RANBP17: variants seen among roughly 807,000 people sequenced by gnomAD.
RANBP17 encodes the protein ran-binding protein 17.
Under a neutral mutation model 141.2 loss-of-function variants are expected in RANBP17, and 158 were observed. The ratio of observed to expected loss-of-function variants is 1.12; its 90% CI spans 0.98 to 1.28. RANBP17 has a LOEUF of 1.28. Ranked by LOEUF, RANBP17 falls within the 50% of genes most tolerant of loss-of-function variation. The pLI, the probability that RANBP17 is intolerant of heterozygous loss-of-function variation, is 0.00. For synonymous variants in RANBP17, 430 were observed against 450.0 expected (o/e 0.96, Z 0.56); for missense variants, 1,438 against 1,290.7 (o/e 1.11, Z -1.75).
intron 16 of RANBP17, among the ~76,000 whole-genome samples, chr5:171,182,852 C>G (rs893836987): frequency 2.6e-5 from 4 of 151,984 alleles, no homozygotes; most frequent in Admixed American, 6.6e-5. Flanking sequence ...GTAAGTTACA[C>G]CCAAAATATA....
At chr5:171,247,952 A>G (rs2128000953) in intron 24 of RANBP17, among the ~76,000 whole-genome samples, 1 of 152,358 alleles carries the variant, frequency 6.6e-6, no homozygotes. Flanking sequence ...AGAATAAGTC[A>G]AGATGGCTGA....
intron 14 of RANBP17, among the ~76,000 whole-genome samples, chr5:171,075,893 C>T (rs1277754713): frequency 6.6e-6 from 1 of 152,018 alleles, no homozygotes; most frequent in Admixed American, 6.5e-5. Flanking sequence ...GCGGAGGTTG[C>T]AGTGAGCCGA....
chr5:170,889,320 T>G (rs1396054716), intron 3 of RANBP17, among the ~76,000 whole-genome samples: 1 of 152,058 alleles, frequency 6.6e-6, no homozygotes, highest in Non-Finnish European at 1.5e-5. Context: ...AGGTAGAAAT[T>G]GAGTGTTTCC....
At chr5:171,193,067 A>G (rs1470080079) in intron 18 of RANBP17, among the ~76,000 whole-genome samples, 1 of 152,158 alleles carries the variant, frequency 6.6e-6, no homozygotes, top group East Asian at 1.9e-4. Context: ...AGCTCTTCTG[A>G]GATTGCCCAT....
intron 14 of RANBP17, among the ~76,000 whole-genome samples, chr5:171,121,457 T>TA (rs1756027623): frequency 1.3e-5 from 2 of 152,218 alleles, no homozygotes; most frequent in South Asian, 4.1e-4. Context: ...GTCAGGAACT[T>TA]ATCTGCAGAG....
intron 14 of RANBP17, among the ~76,000 whole-genome samples, chr5:171,033,515 C>T (rs1014939364): frequency 6.6e-6 from 1 of 152,092 alleles, no homozygotes; most frequent in Non-Finnish European, 1.5e-5. Context: ...GTTGCCTTTT[C>T]TAACTTTAGA....
intron 2 of RANBP17, among the ~76,000 whole-genome samples, chr5:170,880,502 G>A (rs1309523294): frequency 6.6e-6 from 1 of 152,146 alleles, no homozygotes; most frequent in Non-Finnish European, 1.5e-5. Flanking sequence ...TAACAAATGA[G>A]CCACTTGGAA....
intron 13 of RANBP17, among the ~76,000 whole-genome samples, chr5:170,956,882 T>C (rs1023109275): frequency 1.2e-4 from 18 of 151,802 alleles, no homozygotes; most frequent in African/African-American, 4.3e-4. Flanking sequence ...CCATCCTGGC[T>C]AACACGGTGA....
rs1201586213 is a variant in RANBP17, at chr5:170,862,024, TC to T, written c.-8del. 3.4e-6 allele frequency: 5 copies of T among 1,459,618 alleles called. No individual in the cohort carries two copies. The highest frequency in any genetic ancestry group is 2.7e-6 in the Non-Finnish European group (3 of 1,112,718). 90.4% of individuals were successfully genotyped at this position (1,459,618 alleles called of 1,614,324 possible). On this transcript the variant is annotated 5_prime_UTR_variant, in exon 1 of 28. Transcript: ENST00000523189. ...GACCGGCCGGCTGGCCGGCGCCGCC[TC>T]CTGGGAAGATGGCGCTGCACTTCCA...
intron 14 of RANBP17, among the ~76,000 whole-genome samples, chr5:171,134,873 G>C (rs1182474918): frequency 2.6e-5 from 4 of 151,982 alleles, no homozygotes; most frequent in African/African-American, 4.8e-5. Flanking sequence ...AGTGAGCTGA[G>C]ATTGTGCCAC....
At chr5:171,115,326 T>C (rs1755543723) in intron 14 of RANBP17, among the ~76,000 whole-genome samples, 1 of 152,156 alleles carries the variant, frequency 6.6e-6, no homozygotes, top group African/African-American at 2.4e-5. Context: ...ATTATTGAGA[T>C]CTAATACAAT....
chr5:171,181,937 G>A (rs1272156654), intron 16 of RANBP17, among the ~76,000 whole-genome samples: 2 of 152,224 alleles, frequency 1.3e-5, no homozygotes, highest in African/African-American at 2.4e-5. Flanking sequence ...TTCTTGGAGA[G>A]GGAAACTAAG....
chr5:171,209,192 A>G (rs914962067), intron 20 of RANBP17, among the ~76,000 whole-genome samples: 12 of 152,166 alleles, frequency 7.9e-5, no homozygotes, highest in Admixed American at 5.9e-4. Flanking sequence ...CCATATGGAA[A>G]TAGGAAGAAA....
At chr5:170,968,400 A>G in intron 14 of RANBP17, 23 bp downstream of exon 14, 2 of 1,595,396 alleles carry the variant, frequency 1.3e-6, no homozygotes, top group Non-Finnish European at 1.7e-6. Context: ...TAGAGAGTTT[A>G]AAACATGTTA....
At chr5:170,954,725 C>A (rs1775475975) in intron 13 of RANBP17, among the ~76,000 whole-genome samples, 2 of 151,896 alleles carry the variant, frequency 1.3e-5, no homozygotes, top group Non-Finnish European at 2.9e-5. Flanking sequence ...TTAGTTATAT[C>A]TTTATGTAGA....
rs189185123 is a variant in RANBP17, at chr5:171,215,076, C to T, written c.2339+1338C>T. ...CCTTGCCCCCCATCCCCCAACAGGCCCCGGTGTGTGATGTTCCCCTACCTG... is the reference window on the plus strand; with the variant it reads ...CCTTGCCCCCCATCCCCCAACAGGCTCCGGTGTGTGATGTTCCCCTACCTG... On this transcript the variant is annotated intron_variant, in intron 21 of 27. Transcript: ENST00000523189. Among the ~76,000 whole-genome samples the T allele has an allele frequency of 2.6e-3, 395 of 151,744 alleles. 8 individuals are homozygous for T. The East Asian group carries it at 0.042, about 16-fold the overall frequency.
intron 19 of RANBP17, among the ~76,000 whole-genome samples, chr5:171,201,263 A>G (rs1319944301): frequency 3.3e-5 from 5 of 152,200 alleles, no homozygotes; most frequent in African/African-American, 1.2e-4. Flanking sequence ...GGTATTTGCA[A>G]ATAAAATCAC....
intron 21 of RANBP17, among the ~76,000 whole-genome samples, chr5:171,220,645 G>A (rs1581055123): frequency 1.3e-5 from 2 of 151,858 alleles, no homozygotes; most frequent in African/African-American, 2.4e-5. Flanking sequence ...ACAGGGTTTC[G>A]CCATATTGGC....
At chr5:171,213,367 G>A (rs1763022150) in intron 20 of RANBP17, among the ~76,000 whole-genome samples, 1 of 151,982 alleles carries the variant, frequency 6.6e-6, no homozygotes, top group African/African-American at 2.4e-5. Context: ...TATTTATACA[G>A]TATTCTAAGA....
Sources: allele counts gnomAD v4.1 joint callset (sites outside exome capture counted in the v4.1 genomes callset), GRCh38; gene constraint gnomAD v4.1.1; transcripts MANE v1.5; gene names NCBI Gene and HGNC (gene_info 2026-07-23, HGNC 2026-07-21).